Variants in EXOC6B observed in about 807,000 individuals in gnomAD.
The protein encoded by EXOC6B is SEC15 homolog B.
A neutral mutation model predicts 113.5 loss-of-function variants in EXOC6B; 54 were observed. The ratio of observed to expected loss-of-function variants is 0.48; its 90% CI spans 0.38 to 0.60. The LOEUF is 0.60. Among genes scored for constraint, EXOC6B ranks in the 20% least tolerant of loss-of-function variants. EXOC6B has a pLI of 0.00. For missense variants in EXOC6B, 797 were observed against 977.5 expected, an observed-to-expected ratio of 0.82 and a Z score of 2.46; for synonymous variants, 357 against 339.0, an observed-to-expected ratio of 1.05 and a Z score of -0.58.
At chr2:72,366,933 G>A (rs1409915226) in intron 19 of EXOC6B, among the ~76,000 whole-genome samples, 1 of 151,768 alleles carries the variant, frequency 6.6e-6, no homozygotes, top group Non-Finnish European at 1.5e-5. Flanking sequence ...AAGCTCCTCA[G>A]TAGAATAAAA....
chr2:72,705,907 T>TTA (rs1201969409), intron 6 of EXOC6B, among the ~76,000 whole-genome samples: 13 of 152,328 alleles, frequency 8.5e-5, no homozygotes, highest in South Asian at 8.3e-4. Context: ...TAACAATAAT[T>TTA]AATTAAACTT....
At chr2:72,604,413 A>C (rs927223303) in intron 6 of EXOC6B, among the ~76,000 whole-genome samples, 2 of 152,212 alleles carry the variant, frequency 1.3e-5, no homozygotes, top group Non-Finnish European at 2.9e-5. Flanking sequence ...AAAAGAATTC[A>C]ATAATAACGT....
At chr2:72,344,943 C>A (rs1689242206) in intron 19 of EXOC6B, among the ~76,000 whole-genome samples, 1 of 151,954 alleles carries the variant, frequency 6.6e-6, no homozygotes, top group Non-Finnish European at 1.5e-5. Context: ...TCCATCTGAA[C>A]CTCTGTGATT....
rs1002949059 is a variant in EXOC6B, at chr2:72,480,609, C to T, written c.1800+7G>A. On this transcript the variant is annotated splice_region_variant and intron_variant, in intron 17 of 21. Coordinates refer to ENST00000272427, the MANE Select transcript of EXOC6B (RefSeq NM_015189.3). The stretch of plus-strand genomic sequence containing the variant: ...AGCAGTTCCACAGTACTGTAGGGCC[C>T]TCTCACCTTAAAAGTTGTGGTGCCA... 2 of 1,575,400 alleles carry T rather than the reference C, an allele frequency of 1.3e-6. No homozygotes were observed. Among genetic ancestry groups the T allele is most frequent in the African/African-American group, 1.3e-5 (1 of 74,236 alleles).
intron 17 of EXOC6B, among the ~76,000 whole-genome samples, chr2:72,468,191 T>TG (rs1449965513): frequency 2.0e-5 from 3 of 152,114 alleles, no homozygotes; most frequent in Non-Finnish European, 4.4e-5. Flanking sequence ...CCTGTGCTTT[T>TG]GGGGTCATAG....
intron 20 of EXOC6B, among the ~76,000 whole-genome samples, chr2:72,272,788 G>A (rs569717499): frequency 2.6e-5 from 4 of 152,244 alleles, no homozygotes; most frequent in Non-Finnish European, 5.9e-5. Flanking sequence ...TCATTCTTTT[G>A]TGCTAATTTA....
chr2:72,456,663 A>G (rs1697254575), intron 18 of EXOC6B, among the ~76,000 whole-genome samples: 1 of 152,136 alleles, frequency 6.6e-6, no homozygotes, highest in East Asian at 1.9e-4. Context: ...GTCTCATCAT[A>G]AAATGTAATA....
chr2:72,813,155 C>T (rs555705199), intron 1 of EXOC6B, among the ~76,000 whole-genome samples: 2 of 152,290 alleles, frequency 1.3e-5, no homozygotes, highest in East Asian at 1.9e-4. Context: ...AGTGGCATGA[C>T]ATTGGCTCAC....
chr2:72,513,346 T>C (rs1162381871), intron 10 of EXOC6B, 94 bp from the exon 11 acceptor site: 6 of 1,480,962 alleles, frequency 4.1e-6, no homozygotes, highest in Non-Finnish European at 4.6e-6. Context: ...TACCATCAAA[T>C]GCAAAGTTAG....
In EXOC6B at chr2:72,765,958, G is replaced by A. The variant is rs550777757; in HGVS notation, c.114-24489C>T. 2.6e-4 allele frequency among the ~76,000 whole-genome samples: 40 copies of A among 152,288 alleles called. No homozygotes were observed. The South Asian group carries it at 5.8e-3, about 22-fold the overall frequency. On this transcript the variant is annotated intron_variant, in intron 1 of 21. Transcript: ENST00000272427. Reference sequence around the variant, plus strand: ...CATAAGAGGTTAGAATCCTGAAGAGGAAAGATGGGAAGAATACATAGCACT... The same window carrying A: ...CATAAGAGGTTAGAATCCTGAAGAGAAAAGATGGGAAGAATACATAGCACT...
At chr2:72,497,396 T>G (rs1355237094) in intron 13 of EXOC6B, among the ~76,000 whole-genome samples, 1 of 152,132 alleles carries the variant, frequency 6.6e-6, no homozygotes, top group African/African-American at 2.4e-5. Context: ...CAAGGATGAC[T>G]TTTTTTAAAT....
At chr2:72,584,585 G>A (rs1234582713) in intron 6 of EXOC6B, among the ~76,000 whole-genome samples, 1 of 152,152 alleles carries the variant, frequency 6.6e-6, no homozygotes, top group African/African-American at 2.4e-5. Context: ...GTACCCCACT[G>A]GTAACAGACA....
At chr2:72,275,688 A>C (rs1684771005) in intron 20 of EXOC6B, among the ~76,000 whole-genome samples, 1 of 152,168 alleles carries the variant, frequency 6.6e-6, no homozygotes, top group Non-Finnish European at 1.5e-5. Flanking sequence ...TCCTGATTTC[A>C]CCTGTTCAGG....
At chr2:72,261,572 A>G (rs1683718274) in intron 20 of EXOC6B, among the ~76,000 whole-genome samples, 2 of 152,160 alleles carry the variant, frequency 1.3e-5, no homozygotes, top group South Asian at 4.1e-4. Context: ...CTCTAGTTAA[A>G]GGAAATATAG....
chr2:72,439,085 T>G (rs946927654), intron 18 of EXOC6B, among the ~76,000 whole-genome samples: 1 of 152,232 alleles, frequency 6.6e-6, no homozygotes, highest in African/African-American at 2.4e-5. Context: ...GTGTGAATGA[T>G]CTTCATTTGC....
At chr2:72,501,524 A>G (rs1465593529) in intron 11 of EXOC6B, among the ~76,000 whole-genome samples, 1 of 152,100 alleles carries the variant, frequency 6.6e-6, no homozygotes, top group Non-Finnish European at 1.5e-5. Context: ...TAGCAACACA[A>G]ATGGATTGAT....
intron 1 of EXOC6B, among the ~76,000 whole-genome samples, chr2:72,798,319 T>C (rs957748910): frequency 6.6e-6 from 1 of 151,956 alleles, no homozygotes; most frequent in African/African-American, 2.4e-5. Context: ...ATTCTTAAGC[T>C]ACATTTATCA....
chr2:72,287,438 A>AAAAT (rs1685507814), intron 20 of EXOC6B, among the ~76,000 whole-genome samples: 1 of 150,200 alleles, frequency 6.7e-6, no homozygotes, highest in African/African-American at 2.4e-5. Context: ...CTCAAAAAAA[A>AAAAT]AAAAATAAAA....
chr2:72,293,171 C>T (rs1481854402), intron 20 of EXOC6B, among the ~76,000 whole-genome samples: 1 of 152,062 alleles, frequency 6.6e-6, no homozygotes, highest in East Asian at 1.9e-4. Context: ...AAATGAGAGA[C>T]TTGTTTGCTC....
Sources: gnomAD v4.1 joint callset for allele counts (sites outside exome capture counted in the v4.1 genomes callset) on GRCh38, gnomAD v4.1.1 for gene constraint, MANE v1.5 for transcripts, NCBI Gene and HGNC (gene_info 2026-07-23, HGNC 2026-07-21) for gene names.